MYOF: variants seen among roughly 807,000 people sequenced by gnomAD.
MYOF encodes fer-1-like 3, myoferlin.
A neutral mutation model predicts 284.2 loss-of-function variants in MYOF; 244 were observed. The observed-to-expected ratio is 0.86, with a 90% confidence interval of 0.77 to 0.95. The LOEUF (loss-of-function observed/expected upper bound fraction) is 0.95. Among genes scored for constraint, MYOF ranks in the 40% least tolerant of loss-of-function variants. The pLI is 0.00. For synonymous variants in MYOF, 904 were observed against 919.7 expected, an observed-to-expected ratio of 0.98 and a Z score of 0.31; for missense variants, 2,496 against 2,560.6, an observed-to-expected ratio of 0.97 and a Z score of 0.54.
At chr10:93,307,192 C>A (rs1015146955) in intron 53 of MYOF, among the ~76,000 whole-genome samples, 191 bp from the exon 54 acceptor site, 31 of 120,038 alleles carry the variant, frequency 2.6e-4, no homozygotes, top group Non-Finnish European at 4.3e-4. Flanking sequence ...AGTAGCACCC[C>A]CCCGCCAAGT....
intron 38 of MYOF, 166 bp from the exon 39 acceptor site, chr10:93,340,330 T>C: frequency 1.5e-6 from 1 of 672,412 alleles, no homozygotes; most frequent in Non-Finnish European, 2.5e-6. Flanking sequence ...TAAAATTTTC[T>C]AAGTCAGGAT....
chr10:93,436,240 T>C (rs1849114192), intron 3 of MYOF, among the ~76,000 whole-genome samples: 2 of 152,142 alleles, frequency 1.3e-5, no homozygotes, highest in Non-Finnish European at 2.9e-5. Flanking sequence ...CTTGAGTGGT[T>C]TTACAACCTC....
At chr10:93,387,032 T>C (rs1439764990) in intron 19 of MYOF, among the ~76,000 whole-genome samples, 1 of 152,194 alleles carries the variant, frequency 6.6e-6, no homozygotes, top group Non-Finnish European at 1.5e-5. Context: ...CCTGACCCCA[T>C]GAGCTTTGAG....
At position 93,316,811 on chromosome 10, in the gene MYOF, C is replaced by T. The variant is rs1842632067; in HGVS notation, c.5601G>A (p.Glu1867=). The change falls in exon 50 of 54, where the codon GAG becomes GAA. Residue 1867 remains glutamate, a splice_region_variant and synonymous_variant. Transcript: ENST00000359263. The part of the protein sequence containing the change: ...AEQLCIVAKK[E]HFWSIDQTEF... ...CCGTTTGGTCAATACTCCAGAAATGCTCCTAAAACAAAAAGAAACATGATC... is the reference window on the plus strand; with the variant it reads ...CCGTTTGGTCAATACTCCAGAAATGTTCCTAAAACAAAAAGAAACATGATC... 2 of 1,611,488 alleles carry T rather than the reference C, an allele frequency of 1.2e-6. No homozygotes were observed. Among genetic ancestry groups the T allele is most frequent in the African/African-American group, 2.7e-5 (2 of 74,900 alleles).
chr10:93,431,726 C>T (rs1281757335), intron 3 of MYOF, among the ~76,000 whole-genome samples: 3 of 150,986 alleles, frequency 2.0e-5, no homozygotes, highest in Non-Finnish European at 2.9e-5. Context: ...ACTCTGGTGC[C>T]TATGAAATTT....
intron 43 of MYOF, among the ~76,000 whole-genome samples, chr10:93,332,254 G>C (rs1217729582): frequency 6.8e-6 from 1 of 148,062 alleles, no homozygotes; most frequent in African/African-American, 2.5e-5. Context: ...ACGGAGTCTT[G>C]CTCTGTCGCC....
At chr10:93,351,089 G>T in intron 35 of MYOF, 108 bp downstream of exon 35, 2 of 1,207,232 alleles carry the variant, frequency 1.7e-6, no homozygotes, top group Non-Finnish European at 2.4e-6. Flanking sequence ...AAAGGAAGTT[G>T]GAGATAGCAA....
At chr10:93,403,943 T>C in intron 9 of MYOF, 80 bp downstream of exon 9, 1 of 1,469,388 alleles carries the variant, frequency 6.8e-7, no homozygotes, top group South Asian at 1.1e-5. Context: ...GCCACCAAGA[T>C]GCGTACATAG....
chr10:93,341,456 T>C (rs944445170), intron 38 of MYOF, among the ~76,000 whole-genome samples: 5 of 152,124 alleles, frequency 3.3e-5, no homozygotes, highest in Non-Finnish European at 5.9e-5. Flanking sequence ...TTTGTATTTT[T>C]AGTAGAGACG....
rs17108529 is a variant in MYOF, at chr10:93,353,989, C to G, written c.3404-101G>C. ...AAATACATGTTTCTGATAAATGGGTCACTTGAATCTATTATAGTTCCCCAC... is the reference window on the plus strand; with the variant it reads ...AAATACATGTTTCTGATAAATGGGTGACTTGAATCTATTATAGTTCCCCAC... On this transcript the variant is annotated intron_variant, in intron 31 of 53. Transcript: ENST00000359263. 4,702 of 897,044 alleles carry G rather than the reference C, an allele frequency of 5.2e-3. 151 individuals are homozygous for G. The African/African-American group carries it at 0.071, about 14-fold the overall frequency. 55.6% of individuals were successfully genotyped at this position (897,044 alleles called of 1,614,324 possible). A position where few individuals can be genotyped will look rare whatever the true frequency, so the allele number is the denominator to read the frequency against.
intron 3 of MYOF, among the ~76,000 whole-genome samples, chr10:93,443,232 G>A (rs2056323759): frequency 6.6e-6 from 1 of 152,016 alleles, no homozygotes; most frequent in Admixed American, 6.6e-5. Flanking sequence ...TGCCATTTCT[G>A]GGTCAGTTTC....
chr10:93,347,714 C>A lies in MYOF; in HGVS notation c.4152G>T (p.Gly1384=). ...VIKVIDHRQF[G]RKPVVGQCTI... ...TGCACTGGCCGACGACAGGCTTCCG[C>A]CCAAACTGCCTGTGGTCGATGACCT... Residue 1384 remains glycine, a synonymous_variant, in exon 37 of 54, where the codon GGG becomes GGT. Transcript: ENST00000359263. The A allele has an allele frequency of 6.2e-7, 1 of 1,614,116 alleles. No homozygotes were observed. The highest frequency in any genetic ancestry group is 8.5e-7 in the Non-Finnish European group (1 of 1,180,014).
At chr10:93,328,438 T>C (rs796832) in intron 45 of MYOF, among the ~76,000 whole-genome samples, 86,734 of 152,086 alleles carry the variant, frequency 0.57, 26,080 homozygotes, top group East Asian at 0.91. Context: ...GGGATAAACC[T>C]GGAAGGGAAA....
intron 19 of MYOF, among the ~76,000 whole-genome samples, chr10:93,387,316 GT>G (rs1241524478): frequency 8.5e-5 from 13 of 152,204 alleles, no homozygotes; most frequent in African/African-American, 3.1e-4. Flanking sequence ...ATTCAGATTT[GT>G]GGAACACACA....
At chr10:93,370,311 CTAATTTTTT>C in intron 24 of MYOF, among the ~76,000 whole-genome samples, 1 of 108,270 alleles carries the variant, frequency 9.2e-6, no homozygotes, top group Admixed American at 8.8e-5. Context: ...GTAATGATTA[CTAATTTTTT>C]TTTTTTTTTT....
chr10:93,323,028 G>A (rs766195472), intron 48 of MYOF, 50 bp downstream of exon 48: 1 of 1,523,532 alleles, frequency 6.6e-7, no homozygotes, highest in Non-Finnish European at 9.1e-7. Flanking sequence ...TCACGAAGGA[G>A]AGAGTCTGTT....
intron 48 of MYOF, among the ~76,000 whole-genome samples, chr10:93,320,422 T>G (rs143597950): frequency 6.6e-6 from 1 of 152,324 alleles, no homozygotes; most frequent in East Asian, 1.9e-4. Flanking sequence ...GCTCAAAATT[T>G]TAGCATTTCC....
chr10:93,482,097 T>A lies in MYOF; in HGVS notation c.88+10A>T. On this transcript the variant is annotated intron_variant, in intron 1 of 53. Transcript: ENST00000359263. ...CAGGACTTCAGAAAAAGAAGAAAAC[T>A]TTTTCTTACCCTTAAAAATGACAGA... The A allele has an allele frequency of 1.2e-6, 2 of 1,611,762 alleles. No homozygotes were observed. Among genetic ancestry groups the A allele is most frequent in the Non-Finnish European group, 1.7e-6 (2 of 1,178,166 alleles).
chr10:93,361,079 T>C (rs745640521), intron 28 of MYOF, among the ~76,000 whole-genome samples: 2 of 152,172 alleles, frequency 1.3e-5, no homozygotes, highest in Non-Finnish European at 2.9e-5. Context: ...ACCGGTTCCA[T>C]GGGAGACAAT....
Sources: gnomAD v4.1 joint callset for allele counts (sites outside exome capture counted in the v4.1 genomes callset) on GRCh38, gnomAD v4.1.1 for gene constraint, MANE v1.5 for transcripts, NCBI Gene and HGNC (gene_info 2026-07-23, HGNC 2026-07-21) for gene names.